The following MUCL1 variants were observed in gnomAD, a reference collection of about 807,000 sequenced individuals.
The protein encoded by MUCL1 is mucin like 1.
A neutral mutation model predicts 9.2 loss-of-function variants in MUCL1; 11 were observed. That is an observed-to-expected ratio of 1.19 (90% CI 0.75 to 1.97). MUCL1 has a LOEUF of 1.97. MUCL1 is among the 30% of genes most tolerant of loss of function. MUCL1 has a pLI of 0.00. For synonymous variants in MUCL1, 48 were observed against 40.5 expected (o/e 1.19, Z -0.71); for missense variants, 144 against 110.9 (o/e 1.30, Z -1.34).
At chr12:54,854,343 C>T (rs2135946157), upstream of MUCL1, among the ~76,000 whole-genome samples, 1 of 152,270 alleles carries the variant, frequency 6.6e-6, no homozygotes, top group Non-Finnish European at 1.5e-5. Flanking sequence ...CCTGTTTAGC[C>T]AGAACCAATG....
chr12:54,838,193 G>A (rs551527069), upstream of MUCL1, among the ~76,000 whole-genome samples: 1 of 152,154 alleles, frequency 6.6e-6, no homozygotes, highest in Admixed American at 6.5e-5. Flanking sequence ...ATAAAACTTA[G>A]TTTTGCTTGA....
upstream of MUCL1, among the ~76,000 whole-genome samples, chr12:54,851,371 C>T (rs2200678): frequency 0.38 from 57,120 of 151,946 alleles, 12,704 homozygotes; most frequent in East Asian, 0.84. Context: ...AATCAATACA[C>T]GTAATCCAGC....
chr12:54,843,582 G>A (rs757312276), intron 1 of MUCL1, among the ~76,000 whole-genome samples: 4 of 152,220 alleles, frequency 2.6e-5, no homozygotes, highest in Non-Finnish European at 5.9e-5. Context: ...TAGGCACAGT[G>A]TAATCGCAAG....
upstream of MUCL1, among the ~76,000 whole-genome samples, chr12:54,853,506 C>T (rs997119451): frequency 6.6e-6 from 1 of 152,168 alleles, no homozygotes; most frequent in African/African-American, 2.4e-5. Context: ...CTGACCATTT[C>T]CTTTCCGTTG....
At chr12:54,840,713 G>C (rs1397445000) in intron 1 of MUCL1, among the ~76,000 whole-genome samples, 1 of 152,198 alleles carries the variant, frequency 6.6e-6, no homozygotes, top group East Asian at 1.9e-4. Context: ...GTGGGGATTG[G>C]AGGGCAGTTC....
chr12:54,839,695 T>C (rs1959200930), intron 1 of MUCL1, among the ~76,000 whole-genome samples: 1 of 152,202 alleles, frequency 6.6e-6, no homozygotes, highest in South Asian at 2.1e-4. Context: ...TAGAAAGGGA[T>C]TGTGACTACT....
upstream of MUCL1, among the ~76,000 whole-genome samples, chr12:54,850,802 C>T (rs1959327984): frequency 6.6e-6 from 1 of 152,190 alleles, no homozygotes; most frequent in Non-Finnish European, 1.5e-5. Context: ...CCTATTTCTC[C>T]ACATCCTCTC....
intron 1 of MUCL1, among the ~76,000 whole-genome samples, chr12:54,842,504 A>C (rs983142571): frequency 1.3e-5 from 2 of 152,082 alleles, no homozygotes; most frequent in African/African-American, 4.8e-5. Context: ...TTTTTTTGTA[A>C]TGAGAACCCT....
chr12:54,839,736 C>T (rs1386824833), intron 1 of MUCL1, among the ~76,000 whole-genome samples: 1 of 152,134 alleles, frequency 6.6e-6, no homozygotes, highest in Non-Finnish European at 1.5e-5. Context: ...GGAGGGCACT[C>T]CTTGTGTGGG....
chr12:54,856,703 C>T (rs1868301907), intron 2 of MUCL1, 67 bp from the exon 3 acceptor site: 3 of 1,547,716 alleles, frequency 1.9e-6, no homozygotes, highest in Non-Finnish European at 1.7e-6. Flanking sequence ...TATGTCTACC[C>T]CTGGGTGGGA....
rs202045449 is a variant in MUCL1, at chr12:54,858,173, A to G, written c.224-20A>G. Reference sequence around the variant, plus strand: ...TCATCCTTTGTCGAAGCCCCTTGACAATATTTTTTTCTCTTGCAGTTTTAC... The same window carrying G: ...TCATCCTTTGTCGAAGCCCCTTGACGATATTTTTTTCTCTTGCAGTTTTAC... On this transcript the variant is annotated intron_variant, in intron 3 of 3. Transcript: ENST00000308796. The G allele has an allele frequency of 6.2e-7, 1 of 1,613,108 alleles. No individual in the cohort carries two copies. Among genetic ancestry groups the G allele is most frequent in the Non-Finnish European group, 8.5e-7 (1 of 1,179,360 alleles).
chr12:54,844,906 A>G lies in MUCL1; in HGVS notation c.43+5459A>G, dbSNP rs563732523. 4.6e-5 allele frequency among the ~76,000 whole-genome samples: 7 copies of G among 152,336 alleles called. No individual in the cohort carries two copies. The South Asian group carries it at 1.0e-3, about 23-fold the overall frequency. ...CAAAATATCATGACACTACACAAAA[A>G]CTATTTTAATAGACTCACAGACACT... On this transcript the variant is annotated intron_variant, in intron 1 of 3. Coordinates refer to the MUCL1 transcript ENST00000546809.
intron 1 of MUCL1, among the ~76,000 whole-genome samples, chr12:54,848,432 A>C (rs940366532): frequency 6.6e-6 from 1 of 152,148 alleles, no homozygotes; most frequent in Non-Finnish European, 1.5e-5. Flanking sequence ...TGTGTTTTTC[A>C]AATTGTTTAA....
upstream of MUCL1, among the ~76,000 whole-genome samples, chr12:54,838,856 G>T (rs1179466838): frequency 6.6e-6 from 1 of 151,582 alleles, no homozygotes; most frequent in East Asian, 1.9e-4. Context: ...TTTATGTTGG[G>T]TTTCACCTTT....
At chr12:54,857,340 T>G (rs1268072486) in intron 3 of MUCL1, among the ~76,000 whole-genome samples, 1 of 151,710 alleles carries the variant, frequency 6.6e-6, no homozygotes, top group African/African-American at 2.4e-5. Flanking sequence ...TTTCCCAAAA[T>G]AGAAAATAGC....
chr12:54,839,188 T>G (rs376211351), upstream of MUCL1, among the ~76,000 whole-genome samples: 55 of 152,250 alleles, frequency 3.6e-4, 1 homozygote, highest in South Asian at 0.011. Context: ...ATATGAAGAC[T>G]CTGTAGGAAT....
chr12:54,840,582 G>T (rs773659653), intron 1 of MUCL1, among the ~76,000 whole-genome samples: 2 of 152,158 alleles, frequency 1.3e-5, no homozygotes, highest in Admixed American at 6.5e-5. Flanking sequence ...TAAAGTTTCC[G>T]CAAGTTTCTG....
chr12:54,839,762 A>G (rs1003108303), intron 1 of MUCL1, among the ~76,000 whole-genome samples: 1 of 152,122 alleles, frequency 6.6e-6, no homozygotes, highest in Admixed American at 6.5e-5. Context: ...AGTCACCCTG[A>G]AGTGTTCCAG....
At chr12:54,842,326 T>A (rs1592246628) in intron 1 of MUCL1, among the ~76,000 whole-genome samples, 1 of 152,144 alleles carries the variant, frequency 6.6e-6, no homozygotes, top group Non-Finnish European at 1.5e-5. Context: ...TATATTGACC[T>A]TGTAGATAGA....
Sources: gnomAD v4.1 joint callset for allele counts (sites outside exome capture counted in the v4.1 genomes callset) on GRCh38, gnomAD v4.1.1 for gene constraint, MANE v1.5 for transcripts, NCBI Gene and HGNC (gene_info 2026-07-23, HGNC 2026-07-21) for gene names.